The following ZNF700 variants were observed in gnomAD, a reference collection of about 807,000 sequenced individuals.
ZNF700 encodes zinc finger protein 700.
Under a neutral mutation model 65.3 loss-of-function variants are expected in ZNF700, and 38 were observed. That is an observed-to-expected ratio of 0.58 (90% CI 0.45 to 0.76). ZNF700 has a LOEUF of 0.76. Ranked by LOEUF, ZNF700 falls within the 30% of genes least tolerant of loss-of-function variation. ZNF700 has a pLI of 0.00. For missense variants in ZNF700, 857 were observed against 888.4 expected, an observed-to-expected ratio of 0.96 and a Z score of 0.45; for synonymous variants, 285 against 290.4, an observed-to-expected ratio of 0.98 and a Z score of 0.19.
At chr19:11,936,553 A>G (rs1006089696) in intron 1 of ZNF700, among the ~76,000 whole-genome samples, 2 of 151,882 alleles carry the variant, frequency 1.3e-5, no homozygotes, top group African/African-American at 4.8e-5. Flanking sequence ...TTTTCTTGTA[A>G]GTTTGTTTGA....
rs543724701 is a variant in ZNF700, at chr19:11,938,948, G to GT, written c.64-8229dup. Among the ~76,000 whole-genome samples, 451 of 152,238 alleles carry GT rather than the reference G, an allele frequency of 3.0e-3. 2 individuals are homozygous for GT. The highest frequency in any genetic ancestry group is 4.2e-3 in the Non-Finnish European group (284 of 68,020). On this transcript the variant is annotated intron_variant, in intron 1 of 3. Coordinates refer to ENST00000254321, the MANE Select transcript of ZNF700 (RefSeq NM_144566.3). ...TGGTGTGAGATGGTATCTCATTGTG[G>GT]TTTTGATTTGCATTTCTCTGATGGC...
At position 11,926,080 on chromosome 19, in the gene ZNF700, G is replaced by GGAAGGAATGCT. The variant is rs371452138; in HGVS notation, c.63+814_63+815insTGCTGAAGGAA. 8.7e-3 allele frequency among the ~76,000 whole-genome samples: 1,321 copies of GGAAGGAATGCT among 152,004 alleles called. 17 individuals carry two copies. The highest frequency in any genetic ancestry group is 0.031 in the African/African-American group (1,262 of 41,284). On this transcript the variant is annotated intron_variant, in intron 1 of 3. Coordinates refer to ENST00000254321, the MANE Select transcript of ZNF700 (RefSeq NM_144566.3). Reference sequence around the variant, plus strand: ...GTTTGTCTAAAGTTTGGAGGAGGTAGGAAGGAAGGGGGTCTGTTATCTGCC... The same window carrying GGAAGGAATGCT: ...GTTTGTCTAAAGTTTGGAGGAGGTAGGAAGGAATGCTGAAGGAAGGGGGTCTGTTATCTGCC...
intron 1 of ZNF700, among the ~76,000 whole-genome samples, chr19:11,935,036 G>A (rs1418983365): frequency 6.9e-6 from 1 of 145,756 alleles, no homozygotes; most frequent in East Asian, 2.1e-4. Flanking sequence ...AATTAGCCAG[G>A]CATGGTGGCG....
intron 1 of ZNF700, among the ~76,000 whole-genome samples, chr19:11,927,961 ATT>A (rs1972656627): frequency 6.6e-6 from 1 of 151,920 alleles, no homozygotes. Context: ...ATGTAACAGG[ATT>A]ATGTTTTCCA....
At position 11,949,896 on chromosome 19, in the gene ZNF700, A is replaced by G. The variant is rs769561623; in HGVS notation, c.1872A>G (p.Gln624=). ...HTGEKPYECK[Q]CGKAFRSASN... ...GAGAGAAACCCTATGAGTGTAAGCAATGTGGGAAAGCCTTCAGATCTGCCT... is the reference window on the plus strand; with the variant it reads ...GAGAGAAACCCTATGAGTGTAAGCAGTGTGGGAAAGCCTTCAGATCTGCCT... Residue 624 remains glutamine, a synonymous_variant, in exon 4 of 4, where the codon CAA becomes CAG. Transcript: ENST00000254321. 5.0e-6 allele frequency: 8 copies of G among 1,614,050 alleles called. No individual in the cohort carries two copies. The highest frequency in any genetic ancestry group is 1.6e-4 in the Middle Eastern group (1 of 6,062).
chr19:11,936,375 C>T (rs1330358084), intron 1 of ZNF700, among the ~76,000 whole-genome samples: 1 of 152,170 alleles, frequency 6.6e-6, no homozygotes, highest in Non-Finnish European at 1.5e-5. Flanking sequence ...TTAATGATTG[C>T]CATTCTAACT....
intron 1 of ZNF700, among the ~76,000 whole-genome samples, chr19:11,929,589 T>C (rs1972684051): frequency 6.7e-6 from 1 of 148,200 alleles, no homozygotes; most frequent in African/African-American, 2.6e-5. Context: ...TTTCTGAGAG[T>C]TGTATTTAAA....
At chr19:11,946,094 C>A (rs769913012) in intron 1 of ZNF700, among the ~76,000 whole-genome samples, 2 of 152,160 alleles carry the variant, frequency 1.3e-5, no homozygotes, top group African/African-American at 4.8e-5. Context: ...GAGCCTGGTC[C>A]CCCTTAGTCC....
intron 1 of ZNF700, among the ~76,000 whole-genome samples, chr19:11,942,512 A>T (rs1273079269): frequency 6.6e-6 from 1 of 152,124 alleles, no homozygotes; most frequent in Non-Finnish European, 1.5e-5. Context: ...TTAGAGAAGG[A>T]AGTGGCTTTA....
chr19:11,928,514 C>T (rs1249164841), intron 1 of ZNF700, among the ~76,000 whole-genome samples: 2 of 151,392 alleles, frequency 1.3e-5, no homozygotes, highest in Non-Finnish European at 2.9e-5. Context: ...GGGCGGATCA[C>T]GAGGTCAGGA....
chr19:11,948,593 G>T lies in ZNF700; in HGVS notation c.569G>T (p.Gly190Val). Residue 190 changes from glycine to valine, a missense_variant, in exon 4 of 4, where the codon GGA (glycine) becomes GTA (valine). Gly to Val is a moderately radical substitution (Grantham distance 109, BLOSUM62 -3). Transcript: ENST00000254321. Reference protein sequence around the residue: ...SIRTQERDHTGEKPYACKVCG... With the variant: ...SIRTQERDHTVEKPYACKVCG... The stretch of plus-strand genomic sequence containing the variant: ...AGAACACAAGAAAGGGATCACACTG[G>T]AGAGAAACCCTATGCTTGTAAAGTC... 1 of 1,608,192 alleles carries T rather than the reference G, an allele frequency of 6.2e-7. No homozygotes were observed.
intron 1 of ZNF700, among the ~76,000 whole-genome samples, chr19:11,937,092 A>G (rs1972807164): frequency 2.6e-5 from 4 of 152,066 alleles, no homozygotes; most frequent in South Asian, 2.1e-4. Context: ...TTGAAGTCCA[A>G]TTTATCGATT....
chr19:11,943,865 C>T (rs570546578), intron 1 of ZNF700, among the ~76,000 whole-genome samples: 1 of 152,310 alleles, frequency 6.6e-6, no homozygotes, highest in African/African-American at 2.4e-5. Flanking sequence ...CGCACATAGA[C>T]CAGTCAGCTT....
At chr19:11,934,838 G>A (rs1195382645) in intron 1 of ZNF700, among the ~76,000 whole-genome samples, 1 of 147,230 alleles carries the variant, frequency 6.8e-6, no homozygotes. Context: ...TTTTCATTTC[G>A]CTCTTTAATG....
chr19:11,947,602 T>A lies in ZNF700; in HGVS notation c.251+28T>A, dbSNP rs1176100610. ...AATTTGCATTTCCAAGAGAAAGCAG[T>A]GTCTCTCTGCACAATCTTAGAATAT... is the stretch of plus-strand genomic sequence containing the variant. On this transcript the variant is annotated intron_variant, in intron 3 of 3. Coordinates refer to ENST00000254321, the MANE Select transcript of ZNF700 (RefSeq NM_144566.3). The A allele has an allele frequency of 2.5e-6, 4 of 1,591,066 alleles. No individual in the cohort carries two copies. The Middle Eastern group carries it at 5.0e-4, about 199-fold the overall frequency.
intron 1 of ZNF700, among the ~76,000 whole-genome samples, chr19:11,934,818 G>A (rs1023679224): frequency 2.7e-5 from 4 of 147,704 alleles, no homozygotes; most frequent in African/African-American, 5.3e-5. Flanking sequence ...GAGCCACTGC[G>A]CCCGGCCTGT....
chr19:11,927,469 AG>A (rs1972648400), intron 1 of ZNF700, among the ~76,000 whole-genome samples: 1 of 147,748 alleles, frequency 6.8e-6, no homozygotes, highest in Non-Finnish European at 1.5e-5. Flanking sequence ...TAAATAGAAA[AG>A]GAAAAAGAAA....
At chr19:11,935,200 G>T (rs962628945) in intron 1 of ZNF700, among the ~76,000 whole-genome samples, 2 of 135,822 alleles carry the variant, frequency 1.5e-5, no homozygotes. Context: ...AAAAATTACT[G>T]TCTTTGTGGG....
intron 1 of ZNF700, among the ~76,000 whole-genome samples, chr19:11,938,178 C>T (rs973735603): frequency 6.6e-6 from 1 of 152,044 alleles, no homozygotes; most frequent in Non-Finnish European, 1.5e-5. Flanking sequence ...AAATGATTCT[C>T]CTGCCTCAGC....
Sources: allele counts gnomAD v4.1 joint callset (sites outside exome capture counted in the v4.1 genomes callset), GRCh38; gene constraint gnomAD v4.1.1; transcripts MANE v1.5; gene names NCBI Gene and HGNC (gene_info 2026-07-23, HGNC 2026-07-21).